The following SEMA6D variants were observed in gnomAD, a reference collection of about 807,000 sequenced individuals.
The protein encoded by SEMA6D is semaphorin-6D.
SEMA6D carries 35 observed loss-of-function variants against 106.6 expected under a neutral mutation model. The ratio of observed to expected loss-of-function variants is 0.33; its 90% CI spans 0.25 to 0.44. The LOEUF is 0.44. SEMA6D is among the 20% of genes least tolerant of loss of function. The pLI, the probability that SEMA6D is intolerant of heterozygous loss-of-function variation, is 1.00. For synonymous variants in SEMA6D, 499 were observed against 487.7 expected, an observed-to-expected ratio of 1.02 and a Z score of -0.31; for missense variants, 1,185 against 1,345.9, an observed-to-expected ratio of 0.88 and a Z score of 1.87.
intron 13 of SEMA6D, 42 bp from the exon 14 acceptor site, chr15:47,765,827 A>G: frequency 6.9e-7 from 1 of 1,458,138 alleles, no homozygotes; most frequent in Admixed American, 2.5e-5. Context: ...ACCACACTTG[A>G]CTGACTAAAC....
At chr15:47,667,931 G>A (rs1241852594) in intron 4 of SEMA6D, among the ~76,000 whole-genome samples, 3 of 152,188 alleles carry the variant, frequency 2.0e-5, no homozygotes, top group Non-Finnish European at 4.4e-5. Context: ...CAGGTGCCAA[G>A]AACAGGAAAG....
At chr15:47,398,080 T>G (rs1236676583) in intron 1 of SEMA6D, among the ~76,000 whole-genome samples, 1 of 152,190 alleles carries the variant, frequency 6.6e-6, no homozygotes, top group Non-Finnish European at 1.5e-5. Context: ...GTTTCTGCCT[T>G]AAGAAAGATC....
intron 3 of SEMA6D, among the ~76,000 whole-genome samples, chr15:47,572,679 C>T (rs938933040): frequency 6.6e-6 from 1 of 152,184 alleles, no homozygotes; most frequent in African/African-American, 2.4e-5. Context: ...CACATATATA[C>T]AACACTTTCT....
chr15:47,454,836 T>C (rs890227594), intron 2 of SEMA6D, among the ~76,000 whole-genome samples: 1 of 151,962 alleles, frequency 6.6e-6, no homozygotes, highest in African/African-American at 2.4e-5. Flanking sequence ...CCAGGTAGTA[T>C]GGGGACTCAG....
intron 3 of SEMA6D, among the ~76,000 whole-genome samples, chr15:47,573,823 C>T (rs982637857): frequency 6.6e-6 from 1 of 152,186 alleles, no homozygotes; most frequent in African/African-American, 2.4e-5. Context: ...GCTATCAACA[C>T]TCAATCTTAT....
At chr15:47,408,946 C>T (rs1815763225) in intron 1 of SEMA6D, among the ~76,000 whole-genome samples, 1 of 152,184 alleles carries the variant, frequency 6.6e-6, no homozygotes, top group Non-Finnish European at 1.5e-5. Context: ...TGCATGAGTG[C>T]AAGGACTCCG....
At chr15:47,452,367 G>A (rs548084740) in intron 2 of SEMA6D, among the ~76,000 whole-genome samples, 5 of 150,208 alleles carry the variant, frequency 3.3e-5, no homozygotes, top group South Asian at 4.2e-4. Flanking sequence ...TTGTGTTCAA[G>A]TTGCAGCTTT....
intron 3 of SEMA6D, among the ~76,000 whole-genome samples, chr15:47,479,228 CA>C (rs149113395): frequency 0.029 from 4,381 of 152,110 alleles, 218 homozygotes; most frequent in African/African-American, 0.1. Flanking sequence ...TCCTGGGGGA[CA>C]AAAATGTCCA....
At chr15:47,532,772 C>T (rs1440519297) in intron 3 of SEMA6D, among the ~76,000 whole-genome samples, 1 of 152,152 alleles carries the variant, frequency 6.6e-6, no homozygotes, top group African/African-American at 2.4e-5. Context: ...ATCTCAGTTT[C>T]ATTGAAATCT....
At chr15:47,459,173 G>C (rs4775688) in intron 2 of SEMA6D, among the ~76,000 whole-genome samples, 32,106 of 151,980 alleles carry the variant, frequency 0.21, 4,163 homozygotes, top group African/African-American at 0.35. Context: ...CTTCTTGTAG[G>C]CTTGATGAAT....
At chr15:47,742,220 T>C (rs2080863468) in intron 1 of SEMA6D, among the ~76,000 whole-genome samples, 1 of 152,236 alleles carries the variant, frequency 6.6e-6, no homozygotes, top group Admixed American at 6.5e-5. Context: ...ATAATAATAC[T>C]ACTTCTTCAC....
At chr15:47,354,533 C>T (rs796806356) in intron 1 of SEMA6D, among the ~76,000 whole-genome samples, 24 of 142,222 alleles carry the variant, frequency 1.7e-4, no homozygotes, top group Non-Finnish European at 3.4e-4. Context: ...TATATATATA[C>T]ACACATATAT....
At chr15:47,261,605 T>G (rs1399827336) in intron 1 of SEMA6D, among the ~76,000 whole-genome samples, 1 of 152,170 alleles carries the variant, frequency 6.6e-6, no homozygotes. Context: ...TAACCACAGT[T>G]GATTTTAAAA....
intron 1 of SEMA6D, among the ~76,000 whole-genome samples, chr15:47,367,676 A>G (rs1256070892): frequency 3.1e-4 from 26 of 82,782 alleles, no homozygotes; most frequent in African/African-American, 1.2e-3. Flanking sequence ...ACGCACGCTC[A>G]CACGCGCGCG....
chr15:47,637,909 C>T (rs1279073707), intron 4 of SEMA6D, among the ~76,000 whole-genome samples: 1 of 152,114 alleles, frequency 6.6e-6, no homozygotes, highest in Non-Finnish European at 1.5e-5. Flanking sequence ...AATCACAGGA[C>T]TTTTTTACTG....
chr15:47,379,619 T>G (rs1005732628), intron 1 of SEMA6D, among the ~76,000 whole-genome samples: 6 of 152,222 alleles, frequency 3.9e-5, no homozygotes, highest in Non-Finnish European at 8.8e-5. Context: ...GAAGTCTTCC[T>G]GGAAGAGGTG....
chr15:47,757,513 C>T (rs188115796), intron 1 of SEMA6D, among the ~76,000 whole-genome samples: 7 of 152,216 alleles, frequency 4.6e-5, no homozygotes, highest in African/African-American at 7.2e-5. Context: ...GAGGTAAACA[C>T]GAAACCATCT....
intron 4 of SEMA6D, among the ~76,000 whole-genome samples, chr15:47,652,633 GAC>G (rs747908213): frequency 3.3e-5 from 5 of 152,192 alleles, no homozygotes; most frequent in Non-Finnish European, 5.9e-5. Context: ...TTCACGTATA[GAC>G]TGCTTTCCCT....
At chr15:47,718,442 G>A (rs1331253945) in intron 1 of SEMA6D, 1 of 152,336 alleles carries the variant, frequency 6.6e-6, no homozygotes, top group Non-Finnish European at 1.5e-5. Flanking sequence ...CGAGGGGCGG[G>A]AGCTCGGGTG....
Sources: allele counts gnomAD v4.1 joint callset (sites outside exome capture counted in the v4.1 genomes callset), GRCh38; gene constraint gnomAD v4.1.1; transcripts MANE v1.5; gene names NCBI Gene and HGNC (gene_info 2026-07-23, HGNC 2026-07-21).